The following MROH1 variants were observed in gnomAD, a reference collection of about 807,000 sequenced individuals.
MROH1 encodes the protein maestro heat like repeat family member 1.
Under a neutral mutation model 116.5 loss-of-function variants are expected in MROH1, and 117 were observed. That is an observed-to-expected ratio of 1.00 (90% CI 0.86 to 1.17). The LOEUF (loss-of-function observed/expected upper bound fraction) is 1.17, where lower values mean the gene tolerates loss of function less well. Ranked by LOEUF, MROH1 falls within the 50% of genes most tolerant of loss-of-function variation. The probability of loss-of-function intolerance (pLI) is 0.00; values close to 1 mark genes in which losing one functional copy is unlikely to be tolerated. For synonymous variants in MROH1, 921 were observed against 583.9 expected, an observed-to-expected ratio of 1.58 and a Z score of -8.32; for missense variants, 1,873 against 1,338.5, an observed-to-expected ratio of 1.40 and a Z score of -6.23.
chr8:144,189,102 G>C (rs1827921433), intron 7 of MROH1, among the ~76,000 whole-genome samples: 1 of 152,196 alleles, frequency 6.6e-6, no homozygotes. Context: ...TTGTGCTTTG[G>C]AGCAGGGCCT....
At chr8:144,244,565 G>C (rs1841564975) in intron 28 of MROH1, 26 bp downstream of exon 28, 8 of 730,988 alleles carry the variant, frequency 1.1e-5, no homozygotes, top group Non-Finnish European at 1.5e-5. Context: ...CTGTCATGGG[G>C]ATGGGGATGG....
chr8:144,200,499 G>A lies in MROH1; in HGVS notation c.1099G>A (p.Val367Met), dbSNP rs999880257. Residue 367 changes from valine (V) to methionine (M), a missense_variant, in exon 12 of 44, where the codon GTG (valine) becomes ATG (methionine). Coordinates refer to ENST00000326134, the MANE Select transcript of MROH1 (RefSeq NM_032450.3). ...GGACACCAGCAATGAGAGGACCCGC[G>A]TGGGCACCCTGCAGGTGGTCAGACA... Reference protein sequence around the residue: ...RLDTSNERTRVGTLQVVRHVI... With the variant: ...RLDTSNERTRMGTLQVVRHVI... 10 of 1,551,818 alleles carry A rather than the reference G, an allele frequency of 6.4e-6. No homozygotes were observed. Among genetic ancestry groups the A allele is most frequent in the African/African-American group, 5.5e-5 (4 of 73,104 alleles).
At chr8:144,252,594 G>C (rs1843014878) in intron 33 of MROH1, 1 of 151,880 alleles carries the variant, frequency 6.6e-6, no homozygotes, top group Non-Finnish European at 1.5e-5. Flanking sequence ...TGTGAACCCA[G>C]GAGGCGGAGC....
Position 144,258,762 on chromosome 8 carries a change from C to A in MROH1, c.3792-15C>A, listed in dbSNP as rs1362471334. The A allele has an allele frequency of 2.1e-5, 16 of 762,634 alleles. No homozygotes were observed. The highest frequency in any genetic ancestry group is 3.6e-5 in the Non-Finnish European group (15 of 412,026). 47.2% of individuals were successfully genotyped at this position (762,634 alleles called of 1,614,324 possible). A position where few individuals can be genotyped will look rare whatever the true frequency, so the allele number is the denominator to read the frequency against. ...GTGTGTGCCCTACCAGCTGAGCACC[C>A]TGGCAATCCTGCAGCTCTGCAGTGG... On this transcript the variant is annotated splice_polypyrimidine_tract_variant and intron_variant, in intron 35 of 43. Coordinates refer to ENST00000326134, the MANE Select transcript of MROH1 (RefSeq NM_032450.3).
intron 12 of MROH1, among the ~76,000 whole-genome samples, chr8:144,207,274 G>A (rs890771931): frequency 6.0e-5 from 9 of 150,992 alleles, no homozygotes; most frequent in Admixed American, 4.0e-4. Context: ...TGCAACCTCC[G>A]CCTCCTGGGT....
Position 144,253,951 on chromosome 8 carries a change from T to C in MROH1, c.3429-862T>C, listed in dbSNP as rs946628440. On this transcript the variant is annotated intron_variant, in intron 33 of 43. Coordinates refer to ENST00000326134, the MANE Select transcript of MROH1 (RefSeq NM_032450.3). ...GTTTGCAGGTGGGGGTTGCTTTTCCTTTGTTCTGCCAGGCGGCTTCAGGGC... is the reference window on the plus strand; with the variant it reads ...GTTTGCAGGTGGGGGTTGCTTTTCCCTTGTTCTGCCAGGCGGCTTCAGGGC... Among the ~76,000 whole-genome samples, 225 of 152,156 alleles carry C rather than the reference T, an allele frequency of 1.5e-3. 1 individual carries two copies. The highest frequency in any genetic ancestry group is 5.1e-3 in the African/African-American group (212 of 41,508).
rs1325516873 is a variant in MROH1, at chr8:144,157,741, A to G, written c.-176-3229A>G. On this transcript the variant is annotated intron_variant, in intron 1 of 43. Coordinates refer to ENST00000326134, the MANE Select transcript of MROH1 (RefSeq NM_032450.3). ...CACCCAGGCTGGAGTGCAGTGGTGC[A>G]GTCTTGGCTCACTGCTACCTCTGTT... Among the ~76,000 whole-genome samples the G allele has an allele frequency of 4.3e-4, 57 of 131,438 alleles. 1 individual carries two copies. The highest frequency in any genetic ancestry group is 1.5e-4 in the Non-Finnish European group (10 of 64,672). 86.2% of individuals were successfully genotyped at this position (131,438 alleles called of 152,430 possible).
At position 144,180,116 on chromosome 8, in the gene MROH1, C is replaced by T. The variant is rs1001021703; in HGVS notation, c.301-62C>T. ...GCGTGCGCTTGTCCAAGGCTGGCAG[C>T]GACTGAGGGCAGAATGTCTTGGTCT... On this transcript the variant is annotated intron_variant, in intron 5 of 43. Coordinates refer to ENST00000326134, the MANE Select transcript of MROH1 (RefSeq NM_032450.3). This position sits in a 1 kb window ranked among gnomAD's most constrained non-coding sequence, Gnocchi z 7.4. The T allele has an allele frequency of 3.5e-4, 549 of 1,589,958 alleles. 1 individual carries two copies. The highest frequency in any genetic ancestry group is 1.0e-3 in the Middle Eastern group (6 of 5,978).
At chr8:144,151,273 A>T (rs1474105910) in intron 1 of MROH1, among the ~76,000 whole-genome samples, 1 of 150,588 alleles carries the variant, frequency 6.6e-6, no homozygotes, top group Non-Finnish European at 1.5e-5. Context: ...AAAAAAAAAA[A>T]ACCTCCAAGA....
intron 24 of MROH1, among the ~76,000 whole-genome samples, chr8:144,242,884 C>T (rs2132957894): frequency 6.7e-6 from 1 of 148,310 alleles, no homozygotes; most frequent in African/African-American, 2.5e-5. Flanking sequence ...CCAGGGAGTT[C>T]AGCCAGCCCC....
At chr8:144,220,469 G>T in intron 12 of MROH1, 131 bp from the exon 13 acceptor site, 2 of 671,644 alleles carry the variant, frequency 3.0e-6, no homozygotes, top group Non-Finnish European at 5.0e-6. Context: ...AGAAAAGTGG[G>T]TATGCTTTCC....
chr8:144,242,135 T>C, intron 22 of MROH1: 1 of 613,734 alleles, frequency 1.6e-6, no homozygotes. Context: ...CCTCTGTTAC[T>C]CGGTACCCAG....
At chr8:144,204,642 A>G (rs1832439564) in intron 12 of MROH1, among the ~76,000 whole-genome samples, 2 of 152,188 alleles carry the variant, frequency 1.3e-5, no homozygotes, top group African/African-American at 2.4e-5. Context: ...ATGTTGTACA[A>G]AGAGAATTGT....
At chr8:144,166,764 G>T (rs1820941804) in intron 3 of MROH1, among the ~76,000 whole-genome samples, 1 of 152,152 alleles carries the variant, frequency 6.6e-6, no homozygotes, top group Admixed American at 6.5e-5. Context: ...GTCGAGGGAG[G>T]GGGGACTAGC....
At chr8:144,247,754 C>A in intron 31 of MROH1, 75 bp downstream of exon 31, 1 of 702,796 alleles carries the variant, frequency 1.4e-6, no homozygotes, top group Non-Finnish European at 2.6e-6. Flanking sequence ...CGAGGTGGCA[C>A]CTGGCCTCCC....
At position 144,200,482 on chromosome 8, in the gene MROH1, G is replaced by T; in HGVS notation, c.1082G>T (p.Ser361Ile). Reference sequence around the variant, plus strand: ...TTCCTGCTGCCCAGGCTGGACACCAGCAATGAGAGGACCCGCGTGGGCACC... The same window carrying T: ...TTCCTGCTGCCCAGGCTGGACACCATCAATGAGAGGACCCGCGTGGGCACC... Reference protein sequence around the residue: ...LAFLLPRLDTSNERTRVGTLQ... With the variant: ...LAFLLPRLDTINERTRVGTLQ... The change falls in exon 12 of 44, where the codon AGC (serine) becomes ATC (isoleucine). Residue 361 changes from serine to isoleucine, a missense_variant. Coordinates refer to ENST00000326134, the MANE Select transcript of MROH1 (RefSeq NM_032450.3). 6.4e-7 allele frequency: 1 copy of T among 1,552,090 alleles called. No homozygotes were observed. The highest frequency in any genetic ancestry group is 2.4e-5 in the East Asian group (1 of 41,046).
At chr8:144,234,497 C>CTTTT (rs1554823930) in intron 14 of MROH1, among the ~76,000 whole-genome samples, 3 of 20,630 alleles carry the variant, frequency 1.5e-4, no homozygotes, top group Admixed American at 6.0e-4. Flanking sequence ...CTTTCTTTTT[C>CTTTT]GTTTTTTTTT....
At chr8:144,217,339 A>G (rs1835494110) in intron 12 of MROH1, among the ~76,000 whole-genome samples, 1 of 152,328 alleles carries the variant, frequency 6.6e-6, no homozygotes, top group East Asian at 1.9e-4. Flanking sequence ...CCTCCAGGCT[A>G]TATGTGTACG....
At chr8:144,220,704 C>A (rs1468318802) in intron 13 of MROH1, 31 bp downstream of exon 13, 4 of 1,543,794 alleles carry the variant, frequency 2.6e-6, no homozygotes, top group Non-Finnish European at 2.6e-6. Context: ...CAGGCTGCAC[C>A]ACCACACCAC....
Sources: allele counts gnomAD v4.1 joint callset (sites outside exome capture counted in the v4.1 genomes callset), GRCh38; gene constraint gnomAD v4.1.1; non-coding constraint Gnocchi (gnomAD v3.1); transcripts MANE v1.5; gene names NCBI Gene and HGNC (gene_info 2026-07-23, HGNC 2026-07-21).